The following DNAH8 variants were observed in gnomAD, a reference collection of about 807,000 sequenced individuals.
DNAH8 encodes the protein dynein axonemal heavy chain 8.
A neutral mutation model predicts 562.1 loss-of-function variants in DNAH8; 382 were observed. The ratio of observed to expected loss-of-function variants is 0.68; its 90% CI spans 0.63 to 0.74. DNAH8 has a LOEUF of 0.74. DNAH8 is among the 30% of genes least tolerant of loss of function. DNAH8 has a pLI of 0.00. For synonymous variants in DNAH8, 1,881 were observed against 1,919.4 expected, an observed-to-expected ratio of 0.98 and a Z score of 0.52; for missense variants, 5,203 against 5,620.4, an observed-to-expected ratio of 0.93 and a Z score of 2.37.
chr6:38,842,203 C>T (rs891072271), intron 33 of DNAH8, among the ~76,000 whole-genome samples, 165 bp from the exon 34 acceptor site: 6 of 152,066 alleles, frequency 3.9e-5, no homozygotes, highest in African/African-American at 1.2e-4. Flanking sequence ...AGATCTTTAA[C>T]GAAGTCTTTG....
chr6:39,005,273 T>A (rs891162745), intron 88 of DNAH8, among the ~76,000 whole-genome samples: 7 of 151,994 alleles, frequency 4.6e-5, no homozygotes, highest in African/African-American at 1.7e-4. Flanking sequence ...ATTAGCTGGG[T>A]GTGGTAGTGC....
At chr6:38,904,121 T>C (rs1422646604) in intron 62 of DNAH8, among the ~76,000 whole-genome samples, 2 of 152,194 alleles carry the variant, frequency 1.3e-5, no homozygotes, top group Non-Finnish European at 2.9e-5. Context: ...TAACCAATTC[T>C]GTAAAAGGAT....
At chr6:38,736,431 A>G (rs937073753) in intron 5 of DNAH8, among the ~76,000 whole-genome samples, 6 of 152,150 alleles carry the variant, frequency 3.9e-5, no homozygotes, top group Admixed American at 3.3e-4. Flanking sequence ...GGTGGGAAAA[A>G]CTACTGATAC....
chr6:38,852,874 C>A (rs1775871784), intron 40 of DNAH8, 76 bp downstream of exon 40: 1 of 1,105,960 alleles, frequency 9.0e-7, no homozygotes, highest in Non-Finnish European at 1.3e-6. Flanking sequence ...AGTTCTCTTA[C>A]AGAAAAAAAC....
intron 10 of DNAH8, among the ~76,000 whole-genome samples, chr6:38,758,556 C>T (rs1022706405): frequency 4.5e-4 from 68 of 151,908 alleles, no homozygotes; most frequent in Non-Finnish European, 6.6e-4. Context: ...CCAGAACTTC[C>T]AACACTATGT....
At chr6:38,769,703 T>C (rs1767371839) in intron 11 of DNAH8, among the ~76,000 whole-genome samples, 1 of 152,154 alleles carries the variant, frequency 6.6e-6, no homozygotes, top group Admixed American at 6.6e-5. Context: ...GCTGATCAGC[T>C]GATATGGGGA....
intron 11 of DNAH8, among the ~76,000 whole-genome samples, chr6:38,769,366 C>A (rs939203133): frequency 1.3e-5 from 2 of 152,300 alleles, no homozygotes; most frequent in South Asian, 4.1e-4. Flanking sequence ...CTATCCCTCC[C>A]CTAGCCTCCC....
chr6:38,828,660 A>G (rs1267201971), intron 30 of DNAH8, among the ~76,000 whole-genome samples: 2 of 152,168 alleles, frequency 1.3e-5, no homozygotes, highest in African/African-American at 2.4e-5. Flanking sequence ...AAAATCACCT[A>G]ATGACACATT....
chr6:39,011,103 A>G (rs1389848584), intron 89 of DNAH8, among the ~76,000 whole-genome samples: 3 of 152,084 alleles, frequency 2.0e-5, no homozygotes, highest in African/African-American at 7.2e-5. Context: ...ATCTGTGCTC[A>G]GTGTTATATC....
intron 8 of DNAH8, among the ~76,000 whole-genome samples, chr6:38,748,173 T>A (rs1416318620): frequency 1.3e-5 from 2 of 152,208 alleles, no homozygotes; most frequent in East Asian, 3.8e-4. Flanking sequence ...TTTATGAATT[T>A]GTGGATCAAA....
chr6:39,012,504 AAG>A lies in DNAH8; in HGVS notation c.13584_13585del (p.Arg4528SerfsTer14). 11 of 1,614,128 alleles carry A rather than the reference AAG, an allele frequency of 6.8e-6. No individual in the cohort carries two copies. The highest frequency in any genetic ancestry group is 9.3e-6 in the Non-Finnish European group (11 of 1,179,984). ...YDARIPQLWKRVSWDSSTLGF... is the reference protein window; with the variant it reads ...YDARIPQLWKXVSWDSSTLGF... Reference sequence around the variant, plus strand: ...ATGCTCGTATACCTCAGCTCTGGAAAAGAGTGTCTTGGGATTCGTCCACACTG... The same window carrying A: ...ATGCTCGTATACCTCAGCTCTGGAAAAGTGTCTTGGGATTCGTCCACACTG... On this transcript the variant is annotated frameshift_variant, in exon 91 of 93. Coordinates refer to ENST00000327475, the MANE Select transcript of DNAH8 (RefSeq NM_001206927.2). LOFTEE classifies it high-confidence loss of function.
chr6:38,841,449 G>T lies in DNAH8; in HGVS notation c.4467-919G>T, dbSNP rs548732715. ...TAAAATAAAATAAAATAAAAAGATA[G>T]AACGACTTTTACTTCATTACAAAAT... is the stretch of plus-strand genomic sequence containing the variant. On this transcript the variant is annotated intron_variant, in intron 33 of 92. Coordinates refer to ENST00000327475, the MANE Select transcript of DNAH8 (RefSeq NM_001206927.2). Among the ~76,000 whole-genome samples, 4 of 152,136 alleles carry T rather than the reference G, an allele frequency of 2.6e-5. No homozygotes were observed. In the South Asian group the frequency reaches 8.3e-4, roughly 32 times the overall value.
chr6:38,847,948 G>T (rs183482542), intron 36 of DNAH8, among the ~76,000 whole-genome samples: 1 of 152,040 alleles, frequency 6.6e-6, no homozygotes, highest in African/African-American at 2.4e-5. Flanking sequence ...GCTATATGGG[G>T]GTAGCAACCC....
chr6:38,951,581 C>A, intron 82 of DNAH8, 61 bp downstream of exon 82: 1 of 1,466,844 alleles, frequency 6.8e-7, no homozygotes, highest in Non-Finnish European at 9.4e-7. Flanking sequence ...CCAAATTTTG[C>A]CTTTCGTAAT....
chr6:38,781,947 A>G (rs1390618622), intron 16 of DNAH8, among the ~76,000 whole-genome samples: 3 of 152,188 alleles, frequency 2.0e-5, no homozygotes, highest in Non-Finnish European at 1.5e-5. Context: ...AATTTTATTT[A>G]AGAGACAGAG....
rs542602070 is a variant in DNAH8, at chr6:38,867,766, A to C, written c.6694-296A>C. Among the ~76,000 whole-genome samples, 803 of 151,808 alleles carry C rather than the reference A, an allele frequency of 5.3e-3. 14 individuals are homozygous for C. The highest frequency in any genetic ancestry group is 0.017 in the African/African-American group (717 of 41,376). Reference sequence around the variant, plus strand: ...AGACTCCATCTCAAAAAAAAAAAAAAAAAAAACAAAAAAGAAACTATTGTT... The same window carrying C: ...AGACTCCATCTCAAAAAAAAAAAAACAAAAAACAAAAAAGAAACTATTGTT... On this transcript the variant is annotated intron_variant, in intron 47 of 92. Transcript: ENST00000327475.
intron 53 of DNAH8, among the ~76,000 whole-genome samples, chr6:38,881,843 G>C (rs1244543441): frequency 6.6e-6 from 1 of 152,032 alleles, no homozygotes; most frequent in Non-Finnish European, 1.5e-5. Flanking sequence ...CAGCCACTGT[G>C]CCCGGACTTG....
In DNAH8 at chr6:38,868,169, A is replaced by G. The variant is rs771750658; in HGVS notation, c.6801A>G (p.Gly2267=). 3 of 1,613,072 alleles carry G rather than the reference A, an allele frequency of 1.9e-6. No individual in the cohort carries two copies. Among genetic ancestry groups the G allele is most frequent in the Non-Finnish European group, 2.5e-6 (3 of 1,179,662 alleles). Residue 2267 remains glycine (G), a synonymous_variant, in exon 48 of 93, where the codon GGA becomes GGG. Transcript: ENST00000327475. ...GTGAATTAAGCATTGTCATGAGAGG[A>G]CTAAGAGATATGAACCTTTCCAAAC... ...EDSELSIVMR[G]LRDMNLSKLV... is the part of the protein sequence containing the mutation.
rs1342894063 is a variant in DNAH8 at position 38,990,111 on chromosome 6, C to T, written c.13153C>T (p.Gln4385Ter). 1 of 1,606,634 alleles carries T rather than the reference C, an allele frequency of 6.2e-7. No individual in the cohort carries two copies. The change falls in exon 88 of 93, where the codon CAG becomes TAG. Residue 4385 changes from glutamine to a stop codon, truncating the protein, a stop_gained. Coordinates refer to ENST00000327475, the MANE Select transcript of DNAH8 (RefSeq NM_001206927.2). LOFTEE classifies it high-confidence loss of function. ...CTTAGACCAGTATTTTGAATACATC[C>T]AGTCACTGCCATCCCTAGATAACCC... ...KTLDQYFEYI[Q>*]SLPSLDNPEV...
Sources: gnomAD v4.1 joint callset for allele counts (sites outside exome capture counted in the v4.1 genomes callset) on GRCh38, gnomAD v4.1.1 for gene constraint, MANE v1.5 for transcripts, NCBI Gene and HGNC (gene_info 2026-07-23, HGNC 2026-07-21) for gene names.